Variants in FHOD3 observed in about 807,000 individuals in gnomAD.
The protein encoded by FHOD3 is formin homology 2 domain containing 3.
A neutral mutation model predicts 173.0 loss-of-function variants in FHOD3; 90 were observed. The ratio of observed to expected loss-of-function variants is 0.52; its 90% CI spans 0.44 to 0.62. FHOD3 has a LOEUF of 0.62. Ranked by LOEUF, FHOD3 falls within the 20% of genes least tolerant of loss-of-function variation. The pLI, the probability that FHOD3 is intolerant of heterozygous loss-of-function variation, is 0.00. For synonymous variants in FHOD3, 828 were observed against 823.0 expected (o/e 1.01, Z -0.10); for missense variants, 1,945 against 2,034.7 (o/e 0.96, Z 0.85).
chr18:36,705,565 T>C (rs1387043781), intron 17 of FHOD3, among the ~76,000 whole-genome samples: 1 of 152,188 alleles, frequency 6.6e-6, no homozygotes, highest in Non-Finnish European at 1.5e-5. Flanking sequence ...GTGGCAGAGC[T>C]CACTCACTTT....
intron 27 of FHOD3, among the ~76,000 whole-genome samples, chr18:36,762,911 G>A (rs528411592): frequency 2.8e-4 from 41 of 144,354 alleles, no homozygotes; most frequent in Admixed American, 4.1e-4. Flanking sequence ...TATTATACAC[G>A]TTATATATGT....
At chr18:36,641,487 C>T (rs553956695) in intron 10 of FHOD3, among the ~76,000 whole-genome samples, 2 of 152,294 alleles carry the variant, frequency 1.3e-5, no homozygotes, top group African/African-American at 2.4e-5. Flanking sequence ...CTTTAAACAG[C>T]CAAGTTTTGC....
intron 3 of FHOD3, among the ~76,000 whole-genome samples, chr18:36,475,728 C>T (rs2053529667): frequency 6.7e-6 from 1 of 150,018 alleles, no homozygotes; most frequent in South Asian, 2.1e-4. Flanking sequence ...TTACAGGAGA[C>T]TTTTACTTCA....
chr18:36,340,839 G>T (rs536796520), intron 1 of FHOD3, among the ~76,000 whole-genome samples: 1 of 151,744 alleles, frequency 6.6e-6, no homozygotes, highest in Non-Finnish European at 1.5e-5. Flanking sequence ...GGGTTTCACC[G>T]TGTTAGCCAG....
At chr18:36,776,419 C>T (rs142321379) in intron 28 of FHOD3, among the ~76,000 whole-genome samples, 314 of 152,240 alleles carry the variant, frequency 2.1e-3, no homozygotes, top group Middle Eastern at 6.8e-3. Context: ...GCTCTTGTCG[C>T]GTGTGACTTG....
chr18:36,490,100 T>A (rs1318437977), intron 3 of FHOD3, among the ~76,000 whole-genome samples: 1 of 152,186 alleles, frequency 6.6e-6, no homozygotes, highest in East Asian at 1.9e-4. Context: ...TGTACACAGA[T>A]CTTCCATGGC....
chr18:36,385,859 T>C (rs2048006085), intron 3 of FHOD3, among the ~76,000 whole-genome samples: 1 of 152,240 alleles, frequency 6.6e-6, no homozygotes, highest in Non-Finnish European at 1.5e-5. Context: ...TCCTGGATTG[T>C]GTTCTCCTGA....
chr18:36,706,804 C>T (rs933856007), intron 17 of FHOD3, among the ~76,000 whole-genome samples: 16 of 152,224 alleles, frequency 1.1e-4, no homozygotes, highest in African/African-American at 3.9e-4. Flanking sequence ...CCAATTAAAA[C>T]TTCAGTCCAT....
intron 1 of FHOD3, among the ~76,000 whole-genome samples, chr18:36,318,499 G>A (rs2044237533): frequency 6.6e-6 from 1 of 152,168 alleles, no homozygotes; most frequent in Non-Finnish European, 1.5e-5. Context: ...TTGTGAATGG[G>A]AGTTCACACA....
chr18:36,451,668 C>T (rs1046070459), intron 3 of FHOD3, among the ~76,000 whole-genome samples: 1 of 152,190 alleles, frequency 6.6e-6, no homozygotes, highest in Non-Finnish European at 1.5e-5. Context: ...GAAGGGCAAC[C>T]TGGCAGGAAC....
intron 6 of FHOD3, among the ~76,000 whole-genome samples, chr18:36,581,068 A>G (rs2058833511): frequency 6.6e-6 from 1 of 152,266 alleles, no homozygotes; most frequent in African/African-American, 2.4e-5. Context: ...ATATTTGCAG[A>G]TATTTGAGAC....
At chr18:36,478,311 G>T (rs1599303728) in intron 3 of FHOD3, among the ~76,000 whole-genome samples, 1 of 152,166 alleles carries the variant, frequency 6.6e-6, no homozygotes, top group African/African-American at 2.4e-5. Flanking sequence ...CACAGTAGGG[G>T]TATATATTTA....
At chr18:36,614,532 G>A (rs2148655265) in intron 9 of FHOD3, among the ~76,000 whole-genome samples, 1 of 152,272 alleles carries the variant, frequency 6.6e-6, no homozygotes, top group Middle Eastern at 3.4e-3. Context: ...GAAATTGCTG[G>A]TCATATGGTA....
chr18:36,353,726 C>A (rs1459596565), intron 1 of FHOD3, among the ~76,000 whole-genome samples: 3 of 152,094 alleles, frequency 2.0e-5, no homozygotes, highest in Non-Finnish European at 2.9e-5. Flanking sequence ...TAAGAGTAAT[C>A]ATTCTATATG....
chr18:36,778,048 A>G (rs2150477368), intron 28 of FHOD3: 1 of 152,384 alleles, frequency 6.6e-6, no homozygotes, highest in African/African-American at 2.4e-5. Context: ...CCCTGTTCCA[A>G]GTGCTGATTC....
At chr18:36,573,156 T>TG (rs1555766768) in intron 5 of FHOD3, among the ~76,000 whole-genome samples, 1 of 151,652 alleles carries the variant, frequency 6.6e-6, no homozygotes, top group Non-Finnish European at 1.5e-5. Flanking sequence ...TGTTCTTTTT[T>TG]TTTTTTTTAA....
chr18:36,656,338 G>T (rs986861155), intron 13 of FHOD3, among the ~76,000 whole-genome samples: 3 of 152,146 alleles, frequency 2.0e-5, no homozygotes, highest in Non-Finnish European at 2.9e-5. Flanking sequence ...CATGTAGAGT[G>T]TTGGGTTTTT....
intron 14 of FHOD3, among the ~76,000 whole-genome samples, chr18:36,659,547 A>G (rs989114888): frequency 6.6e-6 from 1 of 152,194 alleles, no homozygotes; most frequent in Non-Finnish European, 1.5e-5. Flanking sequence ...ACGACGTTGC[A>G]CATCTTGCAC....
intron 14 of FHOD3, among the ~76,000 whole-genome samples, chr18:36,680,746 G>A (rs2038181905): frequency 6.6e-6 from 1 of 152,192 alleles, no homozygotes; most frequent in Admixed American, 6.5e-5. Flanking sequence ...GACATAGAAT[G>A]TCATAGAATG....
Sources: gnomAD v4.1 joint callset for allele counts (sites outside exome capture counted in the v4.1 genomes callset) on GRCh38, gnomAD v4.1.1 for gene constraint, MANE v1.5 for transcripts, NCBI Gene and HGNC (gene_info 2026-07-23, HGNC 2026-07-21) for gene names.